STIL: variants seen among roughly 807,000 people sequenced by gnomAD.
The protein encoded by STIL is SCL-interrupting locus protein.
A neutral mutation model predicts 110.1 loss-of-function variants in STIL; 55 were observed. That is an observed-to-expected ratio of 0.50 (90% CI 0.40 to 0.63). STIL has a LOEUF of 0.63. Among genes scored for constraint, STIL ranks in the 20% least tolerant of loss-of-function variants. STIL has a pLI of 0.00. For synonymous variants in STIL, 481 were observed against 530.0 expected (o/e 0.91, Z 1.27); for missense variants, 1,358 against 1,530.0 (o/e 0.89, Z 1.87).
chr1:47,302,853 A>T (rs1645846065), intron 3 of STIL, among the ~76,000 whole-genome samples: 1 of 152,204 alleles, frequency 6.6e-6, no homozygotes, highest in Admixed American at 6.5e-5. Context: ...AACAATAATT[A>T]ATAGTAGCAT....
At position 47,280,477 on chromosome 1, in the gene STIL, T is replaced by C. The variant is rs1243872259; in HGVS notation, c.1981A>G (p.Ser661Gly). The C allele has an allele frequency of 6.2e-7, 1 of 1,614,260 alleles. No homozygotes were observed. The highest frequency in any genetic ancestry group is 8.5e-7 in the Non-Finnish European group (1 of 1,180,050). ...LYCNAFCSSS[S>G]PIALRPQGDM... Reference sequence around the variant, plus strand: ...CCCTGAGGTCTCAAGGCTATAGGACTACTTGAAGAACAGAATGCATTACAG... The same window carrying C: ...CCCTGAGGTCTCAAGGCTATAGGACCACTTGAAGAACAGAATGCATTACAG... Residue 661 changes from serine to glycine, a missense_variant, in exon 12 of 17, where the codon AGT becomes GGT. Physicochemically the swap from Ser to Gly is moderately conservative, Grantham distance 56 (BLOSUM62 0). Transcript: ENST00000371877.
At chr1:47,269,482 T>G (rs985281101) in intron 14 of STIL, among the ~76,000 whole-genome samples, 153 bp downstream of exon 14, 1 of 152,212 alleles carries the variant, frequency 6.6e-6, no homozygotes, top group African/African-American at 2.4e-5. Context: ...GTTAAGTATG[T>G]GAAGTGATAG....
At chr1:47,310,237 A>C (rs1254436101) in intron 2 of STIL, 39 bp downstream of exon 2, 2 of 1,595,416 alleles carry the variant, frequency 1.3e-6, no homozygotes, top group Non-Finnish European at 1.7e-6. Context: ...AGTTATGTGA[A>C]AAGCTGTAAG....
At chr1:47,284,608 G>C (rs76092654) in intron 10 of STIL, among the ~76,000 whole-genome samples, 7,039 of 152,260 alleles carry the variant, frequency 0.046, 527 homozygotes, top group African/African-American at 0.16. Context: ...AGATGTTCCT[G>C]GCTGGGTGAG....
chr1:47,287,696 T>C (rs1290634566), intron 9 of STIL, 36 bp from the exon 10 acceptor site: 1 of 1,493,796 alleles, frequency 6.7e-7, no homozygotes, highest in Non-Finnish European at 9.3e-7. Context: ...AGATCTGACT[T>C]AAATAAGAAC....
intron 15 of STIL, 128 bp downstream of exon 15, chr1:47,262,775 A>C (rs923938279): frequency 5.1e-6 from 4 of 790,948 alleles, no homozygotes; most frequent in Non-Finnish European, 8.1e-6. Flanking sequence ...GAAAAATTAC[A>C]TTGTTAATTA....
At position 47,282,892 on chromosome 1, in the gene STIL, A is replaced by G. The variant is rs12057442; in HGVS notation, c.1134-433T>C. On this transcript the variant is annotated intron_variant, in intron 10 of 16. Coordinates refer to ENST00000371877, the MANE Select transcript of STIL (RefSeq NM_001048166.1). Reference sequence around the variant, plus strand: ...AGGAATTATATTTTCCTATGTACTTATATCTATGATGGGAAAATACTTTGA... The same window carrying G: ...AGGAATTATATTTTCCTATGTACTTGTATCTATGATGGGAAAATACTTTGA... 1,246 of 158,668 alleles carry G rather than the reference A, an allele frequency of 7.9e-3. 13 individuals are homozygous for G. The highest frequency in any genetic ancestry group is 0.028 in the African/African-American group (1,169 of 41,608). 9.8% of individuals were successfully genotyped at this position (158,668 alleles called of 1,614,324 possible). A position where few individuals can be genotyped will look rare whatever the true frequency, so the allele number is the denominator to read the frequency against.
intron 2 of STIL, 29 bp downstream of exon 2, chr1:47,310,247 G>T: frequency 6.2e-7 from 1 of 1,604,482 alleles, no homozygotes; most frequent in Non-Finnish European, 8.5e-7. Flanking sequence ...AAAGCTGTAA[G>T]ACAAATATTT....
At chr1:47,257,060 A>C (rs1309777103) in intron 16 of STIL, among the ~76,000 whole-genome samples, 2 of 152,182 alleles carry the variant, frequency 1.3e-5, no homozygotes, top group East Asian at 3.8e-4. Context: ...TTGAAGGATA[A>C]GGATTTTGGC....
rs769848540 is a variant in STIL at position 47,251,291 on chromosome 1, A to G, written c.3712T>C (p.Phe1238Leu). The part of the protein sequence containing the change: ...AVNLRTGKAE[F>L]TQHPEKENEG... ...TTTTCTTTCTCAGGATGTTGAGTGA[A>G]CTCTGCTTTCCCGGTTCGAAGGTTC... The change falls in exon 17 of 17, where the codon TTC becomes CTC. Residue 1238 changes from phenylalanine to leucine, a missense_variant. By Grantham distance (22) the Phe-to-Leu change is conservative. Transcript: ENST00000371877. 5.0e-6 allele frequency: 8 copies of G among 1,613,364 alleles called. No individual in the cohort carries two copies. In the South Asian group the frequency reaches 8.8e-5, roughly 18 times the overall value.
At chr1:47,266,077 A>C (rs1644646385) in intron 14 of STIL, among the ~76,000 whole-genome samples, 1 of 152,120 alleles carries the variant, frequency 6.6e-6, no homozygotes, top group Non-Finnish European at 1.5e-5. Context: ...AAATTCTAAA[A>C]ATATGGAAAT....
intron 14 of STIL, among the ~76,000 whole-genome samples, chr1:47,265,242 A>AT (rs1644605748): frequency 1.3e-5 from 2 of 149,194 alleles, no homozygotes; most frequent in African/African-American, 4.9e-5. Context: ...TCTCCCAAAA[A>AT]AAAAAAAAAA....
At chr1:47,259,483 G>T (rs2148711727) in intron 16 of STIL, among the ~76,000 whole-genome samples, 1 of 151,538 alleles carries the variant, frequency 6.6e-6, no homozygotes, top group Admixed American at 6.6e-5. Flanking sequence ...TAGAGACGGG[G>T]TTTCACCATC....
rs1456991592 is a variant in STIL, at chr1:47,251,341, T to C, written c.3662A>G (p.Lys1221Arg). 2 of 1,614,118 alleles carry C rather than the reference T, an allele frequency of 1.2e-6. No homozygotes were observed. Among genetic ancestry groups the C allele is most frequent in the African/African-American group, 2.7e-5 (2 of 74,936 alleles). The change falls in exon 17 of 17, where the codon AAG becomes AGG. Residue 1221 changes from lysine (K) to arginine (R), a missense_variant. By Grantham distance (26) the Lys-to-Arg change is conservative (BLOSUM62 2). Transcript: ENST00000371877. The part of the protein sequence containing the change: ...QLTEKPAFLV[K>R]NLKPSPAVNL... ...CACTGCAGGACTTGGTTTAAGGTTC[T>C]TTACTAAGAAAGCTGGCTTTTCAGT...
chr1:47,279,156 G>T (rs1040169933), intron 12 of STIL, among the ~76,000 whole-genome samples: 5 of 151,872 alleles, frequency 3.3e-5, no homozygotes, highest in Admixed American at 2.6e-4. Context: ...AAAATTAGCC[G>T]GGCATAGTCC....
intron 3 of STIL, among the ~76,000 whole-genome samples, chr1:47,304,238 C>G (rs890789419): frequency 2.0e-5 from 3 of 150,282 alleles, no homozygotes; most frequent in Admixed American, 6.7e-5. Flanking sequence ...AGGCTGGTTT[C>G]AAACTCCTGA....
intron 12 of STIL, among the ~76,000 whole-genome samples, chr1:47,278,817 A>T (rs991003656): frequency 1.3e-5 from 2 of 151,966 alleles, no homozygotes; most frequent in Non-Finnish European, 2.9e-5. Context: ...AAAAGTAAAA[A>T]TTTTAAAAAA....
At chr1:47,274,417 G>A (rs920692849) in intron 12 of STIL, among the ~76,000 whole-genome samples, 9 of 148,764 alleles carry the variant, frequency 6.0e-5, no homozygotes, top group African/African-American at 2.2e-4. Flanking sequence ...TGCAAGCTCC[G>A]CCTCCCGGGT....
chr1:47,281,269 C>G, intron 11 of STIL, 60 bp from the exon 12 acceptor site: 1 of 1,508,044 alleles, frequency 6.6e-7, no homozygotes, highest in Non-Finnish European at 9.0e-7. Flanking sequence ...GTATACTTTA[C>G]TTTCCTCAGA....
Sources: allele counts gnomAD v4.1 joint callset (sites outside exome capture counted in the v4.1 genomes callset), GRCh38; gene constraint gnomAD v4.1.1; transcripts MANE v1.5; gene names NCBI Gene and HGNC (gene_info 2026-07-23, HGNC 2026-07-21).